ZC3H12B: variants seen among roughly 807,000 people sequenced by gnomAD.
The protein encoded by ZC3H12B is zinc finger CCCH-type containing 12B.
Under a neutral mutation model 43.9 loss-of-function variants are expected in ZC3H12B, and 7 were observed. The observed-to-expected ratio is 0.16, with a 90% confidence interval of 0.09 to 0.30. The LOEUF (loss-of-function observed/expected upper bound fraction) is 0.30, where lower values mean the gene tolerates loss of function less well. Among genes scored for constraint, ZC3H12B ranks in the 10% least tolerant of loss-of-function variants. The pLI, the probability that ZC3H12B is intolerant of heterozygous loss-of-function variation, is 1.00. For synonymous variants in ZC3H12B, 222 were observed against 241.7 expected (o/e 0.92, Z 0.76); for missense variants, 475 against 670.2 (o/e 0.71, Z 3.22).
chrX:65,214,082 C>A, the ZC3H12B span, among the ~76,000 whole-genome samples: 1 of 110,825 alleles, frequency 9.0e-6, no homozygotes, highest in Non-Finnish European at 1.9e-5. Context: ...TACTTTATTG[C>A]TAAAAATGCT....
the ZC3H12B span, among the ~76,000 whole-genome samples, chrX:65,289,610 T>C: frequency 1.8e-5 from 2 of 109,912 alleles, no homozygotes; most frequent in African/African-American, 6.6e-5. Context: ...AAAGCTATAG[T>C]AACCAAAACA....
chrX:65,121,812 G>A, the ZC3H12B span, among the ~76,000 whole-genome samples: 1 of 110,645 alleles, frequency 9.0e-6, no homozygotes, highest in Admixed American at 9.7e-5. Context: ...TCACTGCTTT[G>A]AATGTGTCCC....
chrX:65,285,065 TA>T, the ZC3H12B span, among the ~76,000 whole-genome samples: 1 of 110,722 alleles, frequency 9.0e-6, no homozygotes, highest in Non-Finnish European at 1.9e-5. Context: ...AAAACCTATT[TA>T]ATAAAATAAT....
intron 4 of ZC3H12B, among the ~76,000 whole-genome samples, chrX:65,500,862 T>A (rs1167631133): frequency 9.0e-6 from 1 of 111,515 alleles, no homozygotes; most frequent in African/African-American, 3.3e-5. Context: ...CTGAGGCTAC[T>A]TTGAATGTCT....
the ZC3H12B span, among the ~76,000 whole-genome samples, chrX:65,067,993 A>G: frequency 1.8e-5 from 2 of 110,306 alleles, no homozygotes; most frequent in South Asian, 3.8e-4. Flanking sequence ...TTCATTGACC[A>G]CTGGTCATTC....
rs765887847 is a variant in ZC3H12B at position 65,413,258 on chromosome X, C to A, written n.407+14554C>A. 3.6e-5 allele frequency among the ~76,000 whole-genome samples: 4 copies of A among 111,857 alleles called. No homozygotes were observed. The East Asian group carries it at 1.1e-3, about 31-fold the overall frequency. ...TCTCATTCTATGGGTTGCCTTTTCA[C>A]TTTCTTGATCATGTTCGTTAAAGTA... is the stretch of plus-strand genomic sequence containing the variant. On this transcript the variant is annotated intron_variant and non_coding_transcript_variant, in intron 3 of 5. Transcript: ENST00000617377.
the ZC3H12B span, among the ~76,000 whole-genome samples, chrX:65,070,866 A>C: frequency 1.0e-5 from 1 of 95,628 alleles, no homozygotes; most frequent in Admixed American, 1.2e-4. Context: ...TCTTATGTCC[A>C]ATTGCATGGT....
At chrX:65,178,091 G>A in the ZC3H12B span, among the ~76,000 whole-genome samples, 2 of 111,563 alleles carry the variant, frequency 1.8e-5, no homozygotes, top group Admixed American at 1.9e-4. Context: ...CAGAACAGAG[G>A]CCTCAGAAAT....
At chrX:65,059,216 A>G in the ZC3H12B span, among the ~76,000 whole-genome samples, 1 of 60,919 alleles carries the variant, frequency 1.6e-5, no homozygotes, top group African/African-American at 1.5e-4. Flanking sequence ...CCATCTTGGA[A>G]CCACCCCCCC....
intron 2 of ZC3H12B, among the ~76,000 whole-genome samples, chrX:65,380,376 G>A (rs60317202): frequency 0.083 from 9,096 of 109,387 alleles, 1,021 homozygotes; most frequent in African/African-American, 0.29. Flanking sequence ...AAGTGAAGGA[G>A]AAATAAAATA....
the ZC3H12B span, among the ~76,000 whole-genome samples, chrX:65,243,215 C>T: frequency 8.9e-6 from 1 of 111,886 alleles, no homozygotes; most frequent in Admixed American, 9.5e-5. Context: ...AATATATGCA[C>T]ACTATAAAAC....
chrX:65,428,915 T>C (rs2067116383), intron 3 of ZC3H12B, among the ~76,000 whole-genome samples: 1 of 112,527 alleles, frequency 8.9e-6, no homozygotes, highest in Non-Finnish European at 1.9e-5. Context: ...TTGCTGACCT[T>C]TGAATGGGGT....
the ZC3H12B span, among the ~76,000 whole-genome samples, chrX:65,286,490 A>G: frequency 2.7e-5 from 3 of 111,015 alleles, no homozygotes; most frequent in African/African-American, 9.8e-5. Context: ...GATAATTTAC[A>G]TAGCAAATAT....
At chrX:65,186,851 G>A in the ZC3H12B span, among the ~76,000 whole-genome samples, 3 of 111,819 alleles carry the variant, frequency 2.7e-5, no homozygotes, top group East Asian at 2.8e-4. Context: ...AGGTTGCTGC[G>A]AATGCCATTA....
chrX:65,257,281 G>T, the ZC3H12B span, among the ~76,000 whole-genome samples: 2 of 111,830 alleles, frequency 1.8e-5, no homozygotes, highest in Admixed American at 9.4e-5. Context: ...CCATAAAAAA[G>T]GATGAGTTCA....
At chrX:65,061,933 C>A in the ZC3H12B span, among the ~76,000 whole-genome samples, 1 of 112,311 alleles carries the variant, frequency 8.9e-6, no homozygotes, top group Non-Finnish European at 1.9e-5. Context: ...ATGAGCTTTT[C>A]TTCATATGTT....
chrX:65,121,592 A>C, the ZC3H12B span, among the ~76,000 whole-genome samples: 1 of 111,005 alleles, frequency 9.0e-6, no homozygotes, highest in Non-Finnish European at 1.9e-5. Context: ...TGATCTTTTC[A>C]AAAAACCAGC....
At chrX:65,199,422 CA>C in the ZC3H12B span, among the ~76,000 whole-genome samples, 14 of 110,304 alleles carry the variant, frequency 1.3e-4, no homozygotes, top group Non-Finnish European at 2.5e-4. Context: ...TGAGTTTCCT[CA>C]AGGCAGCTAT....
the ZC3H12B span, chrX:65,185,551 C>A: frequency 9.0e-6 from 1 of 111,357 alleles, no homozygotes; most frequent in Non-Finnish European, 1.9e-5. Context: ...TGAGCTATGG[C>A]AAAACTCTTG....
Sources: allele counts gnomAD v4.1 joint callset (sites outside exome capture counted in the v4.1 genomes callset), GRCh38; gene constraint gnomAD v4.1.1; transcripts MANE v1.5; gene names NCBI Gene and HGNC (gene_info 2026-07-23, HGNC 2026-07-21).